The following S100PBP variants were observed in gnomAD, a reference collection of about 807,000 sequenced individuals.
S100PBP encodes S100P-binding protein.
In S100PBP, 15 loss-of-function variants were observed where a neutral mutation model predicts 39.9. The observed-to-expected ratio is 0.38, with a 90% CI of 0.25 to 0.58. The LOEUF (loss-of-function observed/expected upper bound fraction) is 0.58. Ranked by LOEUF, S100PBP falls within the 20% of genes least tolerant of loss-of-function variation. The pLI is 0.70. For synonymous variants in S100PBP, 178 were observed against 180.3 expected, an observed-to-expected ratio of 0.99 and a Z score of 0.10; for missense variants, 504 against 487.3, an observed-to-expected ratio of 1.03 and a Z score of -0.32.
At chr1:32,840,797 A>G (rs1006483036) in intron 5 of S100PBP, among the ~76,000 whole-genome samples, 2 of 152,158 alleles carry the variant, frequency 1.3e-5, no homozygotes, top group South Asian at 2.1e-4. Flanking sequence ...AATGTTGAGC[A>G]TCTTTTCATG....
chr1:32,817,601 T>C, upstream of S100PBP: 1 of 406,362 alleles, frequency 2.5e-6, no homozygotes, highest in South Asian at 3.2e-5. Flanking sequence ...TGACTCGGGG[T>C]AGGGGAGGTC....
At chr1:32,824,201 G>A (rs1371387965) in intron 1 of S100PBP, among the ~76,000 whole-genome samples, 5 of 84,558 alleles carry the variant, frequency 5.9e-5, no homozygotes, top group East Asian at 5.9e-4. Context: ...GTGAGACTCC[G>A]TCTCAAAAAA....
At chr1:32,834,543 T>TTG (rs1639734893) in intron 5 of S100PBP, among the ~76,000 whole-genome samples, 1 of 152,186 alleles carries the variant, frequency 6.6e-6, no homozygotes, top group African/African-American at 2.4e-5. Context: ...CTAGGTGCTA[T>TTG]TGTGTATTCA....
intron 1 of S100PBP, among the ~76,000 whole-genome samples, chr1:32,822,851 G>T (rs1322764586): frequency 6.6e-6 from 1 of 152,058 alleles, no homozygotes; most frequent in Non-Finnish European, 1.5e-5. Context: ...AAGGATATTG[G>T]TCCTATTAAG....
chr1:32,856,019 C>T lies in S100PBP; in HGVS notation c.1208C>T (p.Pro403Leu). 3.1e-6 allele frequency: 5 copies of T among 1,612,466 alleles called. No individual in the cohort carries two copies. Among genetic ancestry groups the T allele is most frequent in the Non-Finnish European group, 4.2e-6 (5 of 1,178,660 alleles). ...MRSHHRFQRLPDFSYS is the reference protein window; with the variant it reads ...MRSHHRFQRLLDFSYS The stretch of plus-strand genomic sequence containing the variant: ...AGCCACCATCGGTTCCAGCGTCTCC[C>T]AGACTTCTCGTACAGTTAATTTGTG... The change falls in exon 7 of 7, where the codon CCA becomes CTA. Residue 403 changes from proline to leucine, a missense_variant. Transcript: ENST00000373475.
chr1:32,826,170 T>G lies in S100PBP; in HGVS notation c.71T>G (p.Phe24Cys), dbSNP rs765025083. 6.2e-7 allele frequency: 1 copy of G among 1,614,096 alleles called. No individual in the cohort carries two copies. The highest frequency in any genetic ancestry group is 8.5e-7 in the Non-Finnish European group (1 of 1,180,000). The change falls in exon 3 of 7, where the codon TTT becomes TGT. Residue 24 changes from phenylalanine to cysteine, a missense_variant. Coordinates refer to ENST00000373475, the MANE Select transcript of S100PBP (RefSeq NM_022753.4). ...CTCTTGCCTAAAGACGGTGCCCCAT[T>G]TTCTTGGGATTCCTTGGATGAGGAT... ...TSLLPKDGAPFSWDSLDEDGL... is the reference protein window; with the variant it reads ...TSLLPKDGAPCSWDSLDEDGL...
At chr1:32,852,123 G>A (rs1178809197) in intron 5 of S100PBP, among the ~76,000 whole-genome samples, 1 of 151,878 alleles carries the variant, frequency 6.6e-6, no homozygotes, top group African/African-American at 2.4e-5. Context: ...GTCCAGCCTC[G>A]CCAACATGAT....
rs762051392 is a variant in S100PBP, at chr1:32,855,984, G to A, written c.1173G>A (p.Arg391=). The A allele has an allele frequency of 4.3e-6, 7 of 1,613,624 alleles. No individual in the cohort carries two copies. The highest frequency in any genetic ancestry group is 1.6e-4 in the Middle Eastern group (1 of 6,084). The part of the protein sequence containing the change: ...QRYSLTQWVD[R]NMRSHHRFQR... ...ACAGTCTGACTCAGTGGGTTGACAG[G>A]AACATGCGAAGCCACCATCGGTTCC... The change falls in exon 7 of 7, where the codon AGG becomes AGA. Residue 391 remains arginine, a synonymous_variant. Coordinates refer to ENST00000373475, the MANE Select transcript of S100PBP (RefSeq NM_022753.4).
At chr1:32,836,781 C>T (rs529165518) in intron 5 of S100PBP, 1 of 163,764 alleles carries the variant, frequency 6.1e-6, no homozygotes, top group African/African-American at 2.4e-5. Flanking sequence ...CTTCCTCTTT[C>T]TTATTTTTGG....
intron 5 of S100PBP, among the ~76,000 whole-genome samples, chr1:32,839,199 C>T (rs561195846): frequency 9.1e-4 from 138 of 152,300 alleles, no homozygotes; most frequent in Middle Eastern, 3.4e-3. Flanking sequence ...TTTGACTACT[C>T]TAGGTACCTC....
intron 4 of S100PBP, among the ~76,000 whole-genome samples, chr1:32,828,846 CA>C (rs1639460829): frequency 6.6e-6 from 1 of 151,840 alleles, no homozygotes; most frequent in African/African-American, 2.4e-5. Context: ...ACTAAAAATA[CA>C]AAAAAATACC....
Position 32,826,790 on chromosome 1 carries a change from A to G in S100PBP, c.691A>G (p.Ser231Gly), listed in dbSNP as rs1480476960. Reference sequence around the variant, plus strand: ...TGTCTCTGATAAAAATATGCCTGACAGTGAGAACCCTACGTCTGTATTCTC... The same window carrying G: ...TGTCTCTGATAAAAATATGCCTGACGGTGAGAACCCTACGTCTGTATTCTC... ...QTVSDKNMPDSENPTSVFSRI... is the reference protein window; with the variant it reads ...QTVSDKNMPDGENPTSVFSRI... Residue 231 changes from serine to glycine, a missense_variant, in exon 3 of 7, where the codon AGT (serine) becomes GGT (glycine). By Grantham distance (56) the Ser-to-Gly change is moderately conservative (BLOSUM62 0). Coordinates refer to ENST00000373475, the MANE Select transcript of S100PBP (RefSeq NM_022753.4). The G allele has an allele frequency of 6.2e-7, 1 of 1,614,150 alleles. No individual in the cohort carries two copies. Among genetic ancestry groups the G allele is most frequent in the Admixed American group, 1.7e-5 (1 of 60,014 alleles).
rs539625704 is a variant in S100PBP at position 32,820,135 on chromosome 1, G to C, written c.-120+2446G>C. ...CAGTTTAGCACTCTTTTTTCCTACC[G>C]TTCCTATGCTTTTTTTTTTTTTTTT... On this transcript the variant is annotated intron_variant, in intron 1 of 6. Transcript: ENST00000373475. 9.3e-5 allele frequency among the ~76,000 whole-genome samples: 12 copies of C among 128,804 alleles called. No individual in the cohort carries two copies. The East Asian group carries it at 2.5e-3, about 27-fold the overall frequency. 84.5% of individuals were successfully genotyped at this position (128,804 alleles called of 152,430 possible).
rs905238469 is a variant in S100PBP at position 32,826,847 on chromosome 1, A to G, written c.748A>G (p.Met250Val). Residue 250 changes from methionine (M) to valine (V), a missense_variant, in exon 3 of 7, where the codon ATG becomes GTG. Coordinates refer to ENST00000373475, the MANE Select transcript of S100PBP (RefSeq NM_022753.4). ...RISDHSETPNMELSCRNGGSH... is the reference protein window; with the variant it reads ...RISDHSETPNVELSCRNGGSH... Reference sequence around the variant, plus strand: ...CTCAGACCATTCAGAGACTCCTAATATGGAGTTATCCTGCAGAAATGGTGG... The same window carrying G: ...CTCAGACCATTCAGAGACTCCTAATGTGGAGTTATCCTGCAGAAATGGTGG... 30 of 1,613,662 alleles carry G rather than the reference A, an allele frequency of 1.9e-5. No homozygotes were observed. The highest frequency in any genetic ancestry group is 2.7e-5 in the African/African-American group (2 of 74,922).
At chr1:32,830,256 A>C (rs1639534639) in intron 5 of S100PBP, among the ~76,000 whole-genome samples, 189 bp downstream of exon 5, 1 of 152,220 alleles carries the variant, frequency 6.6e-6, no homozygotes, top group African/African-American at 2.4e-5. Context: ...TTGGTTAACC[A>C]GTTTTAGAGA....
intron 5 of S100PBP, among the ~76,000 whole-genome samples, chr1:32,832,162 C>T (rs1639628539): frequency 6.6e-6 from 1 of 152,148 alleles, no homozygotes; most frequent in Non-Finnish European, 1.5e-5. Flanking sequence ...AATGACAAGG[C>T]TTAACTTACA....
At chr1:32,850,474 C>G (rs1325347642) in intron 5 of S100PBP, among the ~76,000 whole-genome samples, 2 of 152,160 alleles carry the variant, frequency 1.3e-5, no homozygotes, top group African/African-American at 2.4e-5. Flanking sequence ...AAGGAATTTT[C>G]TAATCAAGAG....
At chr1:32,845,064 G>T (rs1218396860) in intron 5 of S100PBP, among the ~76,000 whole-genome samples, 4 of 151,136 alleles carry the variant, frequency 2.6e-5, no homozygotes, top group Non-Finnish European at 4.4e-5. Context: ...TCTCGCTGTT[G>T]CCCAGGCTGG....
intron 5 of S100PBP, chr1:32,847,252 A>C (rs1640421356): frequency 6.6e-6 from 1 of 152,214 alleles, no homozygotes; most frequent in African/African-American, 2.4e-5. Context: ...GTTGTAGTGC[A>C]CATCTACTGA....
Sources: gnomAD v4.1 joint callset for allele counts (sites outside exome capture counted in the v4.1 genomes callset) on GRCh38, gnomAD v4.1.1 for gene constraint, MANE v1.5 for transcripts, NCBI Gene and HGNC (gene_info 2026-07-23, HGNC 2026-07-21) for gene names.